Variants in AMPH observed in about 807,000 individuals in gnomAD.
AMPH encodes the protein amphiphysin.
AMPH carries 49 observed loss-of-function variants against 99.1 expected under a neutral mutation model. The observed-to-expected ratio is 0.49, with a 90% CI of 0.39 to 0.63. AMPH has a LOEUF of 0.63. Ranked by LOEUF, AMPH falls within the 20% of genes least tolerant of loss-of-function variation. The probability of loss-of-function intolerance (pLI) is 0.00; values close to 1 mark genes in which losing one functional copy is unlikely to be tolerated. For missense variants in AMPH, 759 were observed against 863.4 expected, an observed-to-expected ratio of 0.88 and a Z score of 1.52; for synonymous variants, 314 against 317.3, an observed-to-expected ratio of 0.99 and a Z score of 0.11.
rs372060479 is a variant in AMPH, at chr7:38,481,586, A to G, written c.397-4617T>C. On this transcript the variant is annotated intron_variant, in intron 5 of 20. Transcript: ENST00000356264. ...GGTTGGTGACAAGCAGGCTCTTATT[A>G]TAACAGTGATTTCAGATGTCAATGC... 1.4e-4 allele frequency among the ~76,000 whole-genome samples: 21 copies of G among 152,262 alleles called. 2 individuals are homozygous for G. The South Asian group carries it at 4.4e-3, about 32-fold the overall frequency.
At chr7:38,434,985 T>C (rs1342663663) in intron 12 of AMPH, among the ~76,000 whole-genome samples, 1 of 152,232 alleles carries the variant, frequency 6.6e-6, no homozygotes, top group Non-Finnish European at 1.5e-5. Flanking sequence ...TTAACATAGA[T>C]TTCTGTGGTC....
chr7:38,404,268 C>A (rs955091456), intron 17 of AMPH, among the ~76,000 whole-genome samples: 15 of 152,040 alleles, frequency 9.9e-5, no homozygotes, highest in Non-Finnish European at 1.9e-4. Flanking sequence ...CTTGTCAGGG[C>A]AGGTGCCTCC....
At chr7:38,535,712 A>G (rs762997697) in intron 1 of AMPH, among the ~76,000 whole-genome samples, 1 of 152,150 alleles carries the variant, frequency 6.6e-6, no homozygotes, top group Non-Finnish European at 1.5e-5. Flanking sequence ...AACATCAGGT[A>G]TTATATTCTC....
intron 1 of AMPH, among the ~76,000 whole-genome samples, chr7:38,608,411 G>C (rs2129064276): frequency 6.6e-6 from 1 of 152,218 alleles, no homozygotes; most frequent in East Asian, 1.9e-4. Flanking sequence ...CAATTGCCTG[G>C]CAAGGTATCT....
At chr7:38,581,174 T>C (rs192411932) in intron 1 of AMPH, among the ~76,000 whole-genome samples, 1 of 152,050 alleles carries the variant, frequency 6.6e-6, no homozygotes, top group African/African-American at 2.4e-5. Context: ...GCAATTATTT[T>C]AAATAATAAT....
In AMPH at chr7:38,415,340, G is replaced by A. The variant is rs544600382; in HGVS notation, c.1398+2485C>T. On this transcript the variant is annotated intron_variant, in intron 17 of 20. Transcript: ENST00000356264. ...CAAAACTTGAACTAATAATTATGGT[G>A]ACATTTCAGTAGTGAAAGGGATTAC... Among the ~76,000 whole-genome samples the A allele has an allele frequency of 2.0e-5, 3 of 152,246 alleles. No homozygotes were observed. The South Asian group carries it at 6.2e-4, about 32-fold the overall frequency.
At chr7:38,407,078 G>A (rs1161774146) in intron 17 of AMPH, among the ~76,000 whole-genome samples, 3,591 of 24,670 alleles carry the variant, frequency 0.15, 98 homozygotes, top group Non-Finnish European at 0.16. Flanking sequence ...ATATATATAT[G>A]TGTGTGTGTG....
At chr7:38,591,952 A>G (rs1792873765) in intron 1 of AMPH, among the ~76,000 whole-genome samples, 1 of 152,228 alleles carries the variant, frequency 6.6e-6, no homozygotes, top group Non-Finnish European at 1.5e-5. Context: ...AGCATGTGGA[A>G]TGGGAAATCA....
chr7:38,602,111 C>T (rs1793265689), intron 1 of AMPH, among the ~76,000 whole-genome samples: 1 of 152,166 alleles, frequency 6.6e-6, no homozygotes, highest in African/African-American at 2.4e-5. Flanking sequence ...AAGCACAAGC[C>T]ATCTGAGGAC....
At chr7:38,457,487 T>C (rs1787277001) in intron 11 of AMPH, among the ~76,000 whole-genome samples, 1 of 152,148 alleles carries the variant, frequency 6.6e-6, no homozygotes, top group South Asian at 2.1e-4. Flanking sequence ...TTAAGACAGG[T>C]CTTTGAAATA....
intron 11 of AMPH, among the ~76,000 whole-genome samples, chr7:38,444,834 A>G (rs1402913130): frequency 6.6e-6 from 1 of 151,820 alleles, no homozygotes. Context: ...AGCCAAAACA[A>G]CTCTGAAAAA....
intron 11 of AMPH, among the ~76,000 whole-genome samples, chr7:38,460,834 T>C (rs968831438): frequency 1.3e-5 from 2 of 152,116 alleles, no homozygotes; most frequent in African/African-American, 4.8e-5. Context: ...TATTAGGTAT[T>C]TCAAAGTAGC....
At chr7:38,603,314 C>CAAAAAA (rs59085219) in intron 1 of AMPH, among the ~76,000 whole-genome samples, 121 of 94,854 alleles carry the variant, frequency 1.3e-3, no homozygotes, top group African/African-American at 4.5e-3. Flanking sequence ...GACTCTGTCT[C>CAAAAAA]AAAAAAAAAA....
chr7:38,492,948 T>C (rs186384131), intron 4 of AMPH, among the ~76,000 whole-genome samples: 208 of 152,290 alleles, frequency 1.4e-3, no homozygotes, highest in Non-Finnish European at 2.3e-3. Context: ...ATTGAAGAAA[T>C]GTGAGAAGAT....
At chr7:38,574,342 G>A (rs1474550259) in intron 1 of AMPH, among the ~76,000 whole-genome samples, 5 of 152,180 alleles carry the variant, frequency 3.3e-5, no homozygotes, top group Non-Finnish European at 4.4e-5. Flanking sequence ...TGCTCCCCAC[G>A]GCATCTGGCC....
At chr7:38,483,617 A>G (rs1043015533) in intron 5 of AMPH, among the ~76,000 whole-genome samples, 1 of 152,120 alleles carries the variant, frequency 6.6e-6, no homozygotes, top group Non-Finnish European at 1.5e-5. Context: ...AGAATAGTCA[A>G]AAGTTTGAGA....
At chr7:38,604,875 TC>T (rs1793376109) in intron 1 of AMPH, among the ~76,000 whole-genome samples, 1 of 152,330 alleles carries the variant, frequency 6.6e-6, no homozygotes, top group African/African-American at 2.4e-5. Context: ...CATTTTTTTT[TC>T]CTAATAGTTT....
In AMPH at chr7:38,476,869, A is replaced by G; in HGVS notation, c.497T>C (p.Ile166Thr). Reference sequence around the variant, plus strand: ...CATGGGCTCAATCCCTACCTTAGAGATTCGACTCTCATCCTTCCTCTTGGA... The same window carrying G: ...CATGGGCTCAATCCCTACCTTAGAGGTTCGACTCTCATCCTTCCTCTTGGA... ...QSSKRKDESRISKAEEEFQKA... is the reference protein window; with the variant it reads ...QSSKRKDESRTSKAEEEFQKA... The change falls in exon 6 of 21, where the codon ATC becomes ACC. Residue 166 changes from isoleucine (I) to threonine (T), a missense_variant. By Grantham distance (89) the Ile-to-Thr change is moderately conservative. Transcript: ENST00000356264. The G allele has an allele frequency of 6.2e-7, 1 of 1,613,412 alleles. No individual in the cohort carries two copies. The highest frequency in any genetic ancestry group is 1.7e-4 in the Middle Eastern group (1 of 6,054).
chr7:38,535,099 T>A (rs1218511560), intron 1 of AMPH, 88 bp from the exon 2 acceptor site: 1 of 1,219,092 alleles, frequency 8.2e-7, no homozygotes, highest in Non-Finnish European at 1.2e-6. Context: ...AAGGCTGTTG[T>A]TTTGCTCTGA....
Sources: gnomAD v4.1 joint callset for allele counts (sites outside exome capture counted in the v4.1 genomes callset) on GRCh38, gnomAD v4.1.1 for gene constraint, MANE v1.5 for transcripts, NCBI Gene and HGNC (gene_info 2026-07-23, HGNC 2026-07-21) for gene names.